UACA: variants seen among roughly 807,000 people sequenced by gnomAD.
UACA encodes the protein nuclear membrane binding protein.
Under a neutral mutation model 160.5 loss-of-function variants are expected in UACA, and 112 were observed. That is an observed-to-expected ratio of 0.70 (90% confidence interval 0.60 to 0.82). The LOEUF is 0.82. UACA is among the 40% of genes least tolerant of loss of function. UACA has a pLI of 0.00. For synonymous variants in UACA, 557 were observed against 568.4 expected (o/e 0.98, Z 0.29); for missense variants, 1,574 against 1,614.6 (o/e 0.97, Z 0.43).
At chr15:70,726,496 T>C (rs1899148169) in intron 1 of UACA, among the ~76,000 whole-genome samples, 2 of 152,232 alleles carry the variant, frequency 1.3e-5, no homozygotes, top group African/African-American at 4.8e-5. Flanking sequence ...CTTAAAAATA[T>C]GTATTCACGA....
intron 1 of UACA, among the ~76,000 whole-genome samples, chr15:70,718,805 T>C (rs1898903152): frequency 6.6e-6 from 1 of 152,104 alleles, no homozygotes; most frequent in Non-Finnish European, 1.5e-5. Flanking sequence ...ATATGTGATA[T>C]AGGCTTTGAA....
At chr15:70,763,009 C>A (rs1157145457) in intron 1 of UACA, among the ~76,000 whole-genome samples, 2 of 152,120 alleles carry the variant, frequency 1.3e-5, no homozygotes, top group African/African-American at 4.8e-5. Context: ...ACGGAAAGAG[C>A]GGAGTAGGGG....
chr15:70,691,037 A>G (rs1897916020), intron 4 of UACA, among the ~76,000 whole-genome samples: 1 of 152,202 alleles, frequency 6.6e-6, no homozygotes, highest in Non-Finnish European at 1.5e-5. Context: ...TAGACAACAG[A>G]AAATTCCAAC....
At chr15:70,697,317 G>A (rs1416237250) in intron 2 of UACA, among the ~76,000 whole-genome samples, 1 of 152,212 alleles carries the variant, frequency 6.6e-6, no homozygotes, top group East Asian at 1.9e-4. Flanking sequence ...GCTGATTCCA[G>A]AGAAACAGGA....
intron 1 of UACA, among the ~76,000 whole-genome samples, chr15:70,718,324 ATGTGTG>A (rs59313425): frequency 0.058 from 3,511 of 60,152 alleles, 94 homozygotes; most frequent in Middle Eastern, 0.15. Flanking sequence ...GAGAGAGAGA[ATGTGTG>A]TGTGTGTGTG....
intron 1 of UACA, among the ~76,000 whole-genome samples, chr15:70,740,209 T>C (rs1595918001): frequency 1.3e-5 from 2 of 152,186 alleles, no homozygotes; most frequent in South Asian, 2.1e-4. Flanking sequence ...ATATTGTAAA[T>C]TGTAATCTTG....
chr15:70,742,365 G>A (rs1899563425), intron 1 of UACA, among the ~76,000 whole-genome samples: 1 of 152,156 alleles, frequency 6.6e-6, no homozygotes, highest in Non-Finnish European at 1.5e-5. Context: ...GTCAAGGAAT[G>A]TAGGATTTTT....
chr15:70,684,977 C>G (rs1032463458), intron 7 of UACA, among the ~76,000 whole-genome samples: 3 of 152,060 alleles, frequency 2.0e-5, no homozygotes, highest in Non-Finnish European at 4.4e-5. Context: ...ACTGTCACCC[C>G]ATGTGATCAA....
At chr15:70,673,385 C>T (rs903206241) in intron 13 of UACA, among the ~76,000 whole-genome samples, 1 of 152,184 alleles carries the variant, frequency 6.6e-6, no homozygotes, top group African/African-American at 2.4e-5. Flanking sequence ...AAGCTACATA[C>T]CAAACTCTGA....
At chr15:70,681,993 T>C (rs1021675110) in intron 9 of UACA, 1 of 152,186 alleles carries the variant, frequency 6.6e-6, no homozygotes, top group Non-Finnish European at 1.5e-5. Context: ...GGTTTGCAAA[T>C]GCTTAGGTTC....
At chr15:70,696,639 T>C (rs571949672) in intron 2 of UACA, among the ~76,000 whole-genome samples, 1 of 152,282 alleles carries the variant, frequency 6.6e-6, no homozygotes, top group South Asian at 2.1e-4. Context: ...TCAGGTAAGT[T>C]CTCCTTCTAC....
intron 13 of UACA, among the ~76,000 whole-genome samples, chr15:70,673,534 A>C (rs1387361113): frequency 6.6e-6 from 1 of 152,224 alleles, no homozygotes; most frequent in Non-Finnish European, 1.5e-5. Context: ...ATTTAATACT[A>C]AAGTTTACAA....
chr15:70,659,376 CCTT>C (rs1296196730), intron 18 of UACA, among the ~76,000 whole-genome samples: 8 of 68,400 alleles, frequency 1.2e-4, no homozygotes, highest in South Asian at 4.4e-4. Flanking sequence ...TCCATCTTTC[CCTT>C]CTTCATTTTT....
chr15:70,765,069 A>G (rs1380314433), upstream of UACA, among the ~76,000 whole-genome samples: 1 of 152,208 alleles, frequency 6.6e-6, no homozygotes, highest in Non-Finnish European at 1.5e-5. Flanking sequence ...TTGCATTTAA[A>G]GCTGTATAAC....
the UACA span, among the ~76,000 whole-genome samples, chr15:70,770,362 G>C: frequency 3.3e-5 from 5 of 152,112 alleles, no homozygotes; most frequent in Non-Finnish European, 7.4e-5. Context: ...TATTTTAATA[G>C]CATATTTTAT....
chr15:70,699,681 A>AAC, intron 1 of UACA, 21 bp from the exon 2 acceptor site: 1 of 1,608,750 alleles, frequency 6.2e-7, no homozygotes, highest in Non-Finnish European at 8.5e-7. Flanking sequence ...GAAAAAAAAA[A>AAC]GTAAATATGG....
Position 70,735,546 on chromosome 15 carries a change from A to T in UACA, c.78+27784T>A, listed in dbSNP as rs188397919. ...TCACCACTAACCAAACTGGGATTAT[A>T]CTAATAGTCCTCCAGCTTGCTTCTT... On this transcript the variant is annotated intron_variant, in intron 1 of 18. Coordinates refer to ENST00000322954, the MANE Select transcript of UACA (RefSeq NM_018003.4). 3.4e-3 allele frequency among the ~76,000 whole-genome samples: 521 copies of T among 152,312 alleles called. 4 individuals are homozygous for T. Among genetic ancestry groups the T allele is most frequent in the African/African-American group, 0.011 (461 of 41,582 alleles).
intron 1 of UACA, among the ~76,000 whole-genome samples, chr15:70,705,550 A>G (rs936663175): frequency 4.6e-5 from 7 of 152,106 alleles, no homozygotes; most frequent in Non-Finnish European, 7.4e-5. Context: ...AAAATAAAAT[A>G]AAATAAAAAA....
chr15:70,695,105 GCT>G lies in UACA; in HGVS notation c.213-2_213-1del. On this transcript the variant is annotated splice_acceptor_variant, in intron 2 of 18. Coordinates refer to ENST00000322954, the MANE Select transcript of UACA (RefSeq NM_018003.4). LOFTEE classifies it high-confidence loss of function. The stretch of plus-strand genomic sequence containing the variant: ...TCCCCTTTGAGGTCACAACATGGAA[GCT>G]AAACAAAAAAAAAATATTTGTTGTG... 6.3e-7 allele frequency: 1 copy of G among 1,582,024 alleles called. No individual in the cohort carries two copies. The highest frequency in any genetic ancestry group is 1.8e-5 in the Admixed American group (1 of 54,890).
Sources: gnomAD v4.1 joint callset for allele counts (sites outside exome capture counted in the v4.1 genomes callset) on GRCh38, gnomAD v4.1.1 for gene constraint, MANE v1.5 for transcripts, NCBI Gene and HGNC (gene_info 2026-07-23, HGNC 2026-07-21) for gene names.